SLCO1B1: variants seen among roughly 807,000 people sequenced by gnomAD.
The protein encoded by SLCO1B1 is OATP-2.
A neutral mutation model predicts 70.1 loss-of-function variants in SLCO1B1; 81 were observed. The ratio of observed to expected loss-of-function variants is 1.16; its 90% CI spans 0.97 to 1.39. The LOEUF (loss-of-function observed/expected upper bound fraction) is 1.39. Among genes scored for constraint, SLCO1B1 ranks in the 40% most tolerant of loss-of-function variants. SLCO1B1 has a pLI of 0.00. For synonymous variants in SLCO1B1, 283 were observed against 271.5 expected (o/e 1.04, Z -0.42); for missense variants, 895 against 799.6 (o/e 1.12, Z -1.44).
intron 7 of SLCO1B1, among the ~76,000 whole-genome samples, chr12:21,186,269 T>C (rs193155732): frequency 6.6e-6 from 1 of 152,232 alleles, no homozygotes; most frequent in East Asian, 1.9e-4. Flanking sequence ...CTTTATACAA[T>C]TGACTGTAAT....
chr12:21,222,985 C>T (rs1314132646), intron 13 of SLCO1B1, among the ~76,000 whole-genome samples: 2 of 152,208 alleles, frequency 1.3e-5, no homozygotes, highest in South Asian at 2.1e-4. Flanking sequence ...GTTTTCTTCC[C>T]TCCGTTCCGT....
chr12:21,202,415 C>A, intron 9 of SLCO1B1, 76 bp from the exon 10 acceptor site: 1 of 917,608 alleles, frequency 1.1e-6, no homozygotes, highest in Non-Finnish European at 1.7e-6. Context: ...ATTTGATTGA[C>A]ATACATTGTG....
intron 11 of SLCO1B1, among the ~76,000 whole-genome samples, chr12:21,216,563 C>T (rs1251787512): frequency 6.6e-6 from 1 of 152,098 alleles, no homozygotes; most frequent in African/African-American, 2.4e-5. Flanking sequence ...GTAATAATAT[C>T]ATCTGTCATT....
Position 21,194,014 on chromosome 12 carries a change from A to C in SLCO1B1, c.728-2932A>C, listed in dbSNP as rs142052274. ...CACCGTGTTAGCCAGGTTGGTCTCG[A>C]TCTCCTGACCTTGTGATCCACCCAC... is the stretch of plus-strand genomic sequence containing the variant. On this transcript the variant is annotated intron_variant, in intron 7 of 14. Transcript: ENST00000256958. 2.6e-5 allele frequency among the ~76,000 whole-genome samples: 4 copies of C among 152,212 alleles called. No homozygotes were observed. The East Asian group carries it at 7.7e-4, about 29-fold the overall frequency.
At chr12:21,167,344 T>C (rs1264662883) in intron 2 of SLCO1B1, among the ~76,000 whole-genome samples, 6 of 152,108 alleles carry the variant, frequency 3.9e-5, no homozygotes, top group Non-Finnish European at 8.8e-5. Flanking sequence ...GAGAGAGGAA[T>C]GGGGGAGGGG....
chr12:21,183,119 G>C (rs1940924922), intron 7 of SLCO1B1, among the ~76,000 whole-genome samples: 1 of 152,192 alleles, frequency 6.6e-6, no homozygotes, highest in African/African-American at 2.4e-5. Flanking sequence ...AAACAAAAGA[G>C]TTATGTCCCC....
chr12:21,143,006 G>A (rs557401061), intron 2 of SLCO1B1, among the ~76,000 whole-genome samples: 8 of 152,106 alleles, frequency 5.3e-5, no homozygotes, highest in East Asian at 3.9e-4. Context: ...CAGAAACATC[G>A]CTAAATTGGT....
At chr12:21,176,733 T>C (rs772030433) in intron 4 of SLCO1B1, 43 bp from the exon 5 acceptor site, 5 of 1,426,560 alleles carry the variant, frequency 3.5e-6, no homozygotes, top group Non-Finnish European at 4.9e-6. Flanking sequence ...GTGAAAATAT[T>C]CAGTAGATAA....
intron 9 of SLCO1B1, among the ~76,000 whole-genome samples, chr12:21,201,064 T>TGTA (rs1941152103): frequency 1.3e-5 from 2 of 152,108 alleles, no homozygotes; most frequent in Non-Finnish European, 2.9e-5. Context: ...ACACTAATAG[T>TGTA]TCCAAAAAGA....
intron 7 of SLCO1B1, among the ~76,000 whole-genome samples, chr12:21,196,339 T>C (rs1398502259): frequency 6.6e-6 from 1 of 152,176 alleles, no homozygotes; most frequent in Non-Finnish European, 1.5e-5. Context: ...AATACTCTTA[T>C]TCATGATTTA....
chr12:21,184,349 T>TG (rs1491492730), intron 7 of SLCO1B1, among the ~76,000 whole-genome samples: 3 of 152,116 alleles, frequency 2.0e-5, no homozygotes, highest in Admixed American at 1.3e-4. Flanking sequence ...AAGATTTTTT[T>TG]GGGGGGCAGC....
At chr12:21,170,547 G>GC (rs1328247246) in intron 2 of SLCO1B1, among the ~76,000 whole-genome samples, 1 of 152,124 alleles carries the variant, frequency 6.6e-6, no homozygotes, top group East Asian at 1.9e-4. Flanking sequence ...CACAAAGACT[G>GC]CATACATTTT....
At chr12:21,193,135 T>C (rs1941049496) in intron 7 of SLCO1B1, among the ~76,000 whole-genome samples, 1 of 152,192 alleles carries the variant, frequency 6.6e-6, no homozygotes, top group South Asian at 2.1e-4. Context: ...TCTTAGAAAA[T>C]ATTCCATTTC....
rs375875657 is a variant in SLCO1B1 at position 21,190,729 on chromosome 12, CT to C, written c.728-6215del. ...CACATCAATCTGTATGTCTTTGTATCTTCATGGCTTAGCTCCCAATGATAAG... is the reference window on the plus strand; with the variant it reads ...CACATCAATCTGTATGTCTTTGTATCTCATGGCTTAGCTCCCAATGATAAG... On this transcript the variant is annotated intron_variant, in intron 7 of 14. Coordinates refer to ENST00000256958, the MANE Select transcript of SLCO1B1 (RefSeq NM_006446.5). 2.5e-3 allele frequency among the ~76,000 whole-genome samples: 374 copies of C among 152,198 alleles called. 1 individual carries two copies. The highest frequency in any genetic ancestry group is 8.6e-3 in the African/African-American group (356 of 41,546).
intron 7 of SLCO1B1, among the ~76,000 whole-genome samples, chr12:21,195,442 CT>C (rs1401134134): frequency 6.6e-6 from 1 of 151,518 alleles, no homozygotes; most frequent in Non-Finnish European, 1.5e-5. Flanking sequence ...GTTTGTTTTT[CT>C]TTTCTTTTTT....
In SLCO1B1 at chr12:21,168,631, A is replaced by C. The variant is rs575364733; in HGVS notation, c.85-4019A>C. 3.9e-5 allele frequency among the ~76,000 whole-genome samples: 6 copies of C among 152,272 alleles called. No homozygotes were observed. In the South Asian group the frequency reaches 6.2e-4, roughly 16 times the overall value. ...TGTGGTTTTAATTTGCATTTCCCTGATAAGTAGAAAGTTGAGCATCTTTTA... is the reference window on the plus strand; with the variant it reads ...TGTGGTTTTAATTTGCATTTCCCTGCTAAGTAGAAAGTTGAGCATCTTTTA... On this transcript the variant is annotated intron_variant, in intron 2 of 14. Coordinates refer to ENST00000256958, the MANE Select transcript of SLCO1B1 (RefSeq NM_006446.5).
At chr12:21,144,345 G>A (rs1266386557) in intron 2 of SLCO1B1, among the ~76,000 whole-genome samples, 1 of 151,832 alleles carries the variant, frequency 6.6e-6, no homozygotes, top group Non-Finnish European at 1.5e-5. Context: ...TTACCCCTTT[G>A]AATCAACACA....
At chr12:21,168,621 C>T (rs1051771755) in intron 2 of SLCO1B1, among the ~76,000 whole-genome samples, 12 of 152,118 alleles carry the variant, frequency 7.9e-5, no homozygotes, top group Non-Finnish European at 1.5e-4. Context: ...TTTTAATTTG[C>T]ATTTCCCTGA....
intron 11 of SLCO1B1, among the ~76,000 whole-genome samples, chr12:21,209,017 C>T (rs935539417): frequency 6.6e-6 from 1 of 150,862 alleles, no homozygotes; most frequent in Non-Finnish European, 1.5e-5. Flanking sequence ...TTCTAGGAGG[C>T]TTTTGGCAGA....
Sources: allele counts gnomAD v4.1 joint callset (sites outside exome capture counted in the v4.1 genomes callset), GRCh38; gene constraint gnomAD v4.1.1; transcripts MANE v1.5; gene names NCBI Gene and HGNC (gene_info 2026-07-23, HGNC 2026-07-21).